The following B3GLCT variants were observed in gnomAD, a reference collection of about 807,000 sequenced individuals.
The protein encoded by B3GLCT is beta 3-glucosyltransferase.
B3GLCT carries 65 observed loss-of-function variants against 63.4 expected under a neutral mutation model. That is an observed-to-expected ratio of 1.03 (90% CI 0.84 to 1.26). The LOEUF is 1.26. Ranked by LOEUF, B3GLCT falls within the 50% of genes most tolerant of loss-of-function variation. The pLI, the probability that B3GLCT is intolerant of heterozygous loss-of-function variation, is 0.00. For synonymous variants in B3GLCT, 233 were observed against 219.2 expected (o/e 1.06, Z -0.55); for missense variants, 577 against 604.8 (o/e 0.95, Z 0.48).
intron 6 of B3GLCT, among the ~76,000 whole-genome samples, chr13:31,253,512 G>A (rs564838892): frequency 2.1e-5 from 3 of 143,966 alleles, no homozygotes; most frequent in Non-Finnish European, 4.5e-5. Flanking sequence ...AGAATGGCGT[G>A]AACCCGGCAG....
chr13:31,217,648 T>C (rs1416152704), intron 2 of B3GLCT, among the ~76,000 whole-genome samples: 1 of 152,264 alleles, frequency 6.6e-6, no homozygotes, highest in South Asian at 2.1e-4. Context: ...AGTGTCAATC[T>C]TCTGTATATG....
At chr13:31,264,840 T>A (rs2137837281) in intron 7 of B3GLCT, among the ~76,000 whole-genome samples, 1 of 152,348 alleles carries the variant, frequency 6.6e-6, no homozygotes, top group Non-Finnish European at 1.5e-5. Context: ...AGCATGCTTT[T>A]GGATGCAAGT....
chr13:31,208,566 A>C (rs879793865), intron 1 of B3GLCT, among the ~76,000 whole-genome samples: 6,954 of 60,370 alleles, frequency 0.12, no homozygotes, highest in Non-Finnish European at 0.17. Context: ...TTCCCGTCTC[A>C]CCCCCCACCC....
intron 1 of B3GLCT, among the ~76,000 whole-genome samples, chr13:31,213,621 A>ACCCCCCCCCCCCCC (rs71099943): frequency 5.5e-5 from 3 of 55,014 alleles, no homozygotes; most frequent in African/African-American, 7.6e-5. Context: ...CCCCCACCCC[A>ACCCCCCCCCCCCCC]CCCCCCCCCC....
chr13:31,263,999 C>T (rs747094164), intron 7 of B3GLCT, among the ~76,000 whole-genome samples: 4 of 152,134 alleles, frequency 2.6e-5, no homozygotes, highest in Non-Finnish European at 5.9e-5. Flanking sequence ...CAAGATAAGG[C>T]GCTGGCAGAT....
chr13:31,246,921 C>CTTT lies in B3GLCT; in HGVS notation c.271-97_271-95dup, dbSNP rs1178195394. ...AGCTGCATTTTAAGCCAAGCCTTTT[C>CTTT]TTTTTTTCTTTTTTCTTTTCTTTTC... On this transcript the variant is annotated intron_variant, in intron 4 of 14. Coordinates refer to ENST00000343307, the MANE Select transcript of B3GLCT (RefSeq NM_194318.4). The CTTT allele has an allele frequency of 5.4e-6, 5 of 932,650 alleles. No individual in the cohort carries two copies. The African/African-American group carries it at 6.9e-5, about 13-fold the overall frequency. 57.8% of individuals were successfully genotyped at this position (932,650 alleles called of 1,614,324 possible).
At chr13:31,207,954 C>T (rs141431388) in intron 1 of B3GLCT, among the ~76,000 whole-genome samples, 250 of 152,320 alleles carry the variant, frequency 1.6e-3, no homozygotes, top group African/African-American at 5.7e-3. Flanking sequence ...TGAACCTGAA[C>T]ATACATGAAC....
At chr13:31,306,651 C>A in intron 12 of B3GLCT, among the ~76,000 whole-genome samples, 1 of 28,218 alleles carries the variant, frequency 3.5e-5, no homozygotes, top group African/African-American at 7.3e-5. Flanking sequence ...TCAAGGAGAA[C>A]TACAAACCAC....
At chr13:31,259,276 C>G (rs531492943) in intron 6 of B3GLCT, among the ~76,000 whole-genome samples, 17 of 152,108 alleles carry the variant, frequency 1.1e-4, no homozygotes, top group Non-Finnish European at 1.2e-4. Context: ...GGTCTTGTTT[C>G]TTGCTCTGCT....
chr13:31,318,706 C>T (rs1325795568), intron 13 of B3GLCT, among the ~76,000 whole-genome samples: 2 of 151,674 alleles, frequency 1.3e-5, no homozygotes, highest in East Asian at 3.9e-4. Flanking sequence ...AAGCTATTTG[C>T]GGCCTTACTG....
chr13:31,225,508 C>T (rs547698391), intron 3 of B3GLCT, among the ~76,000 whole-genome samples: 6 of 152,274 alleles, frequency 3.9e-5, no homozygotes, highest in South Asian at 2.1e-4. Flanking sequence ...TTTTCAGCAC[C>T]GAACTGTACT....
chr13:31,235,057 C>G (rs1593262838), intron 4 of B3GLCT, among the ~76,000 whole-genome samples: 1 of 152,108 alleles, frequency 6.6e-6, no homozygotes, highest in Admixed American at 6.5e-5. Flanking sequence ...TTGAGAAGCC[C>G]TGGGCTGGGG....
intron 4 of B3GLCT, 95 bp from the exon 5 acceptor site, chr13:31,246,928 T>A (rs9599661): frequency 5.4e-5 from 53 of 986,304 alleles, no homozygotes; most frequent in South Asian, 2.4e-4. Context: ...TTTCTTTTTT[T>A]CTTTTTTCTT....
chr13:31,319,288 T>A (rs1173375719), intron 13 of B3GLCT, among the ~76,000 whole-genome samples: 1 of 152,128 alleles, frequency 6.6e-6, no homozygotes, highest in Admixed American at 6.5e-5. Flanking sequence ...GTCTTAAAAC[T>A]TCTCACCACC....
intron 3 of B3GLCT, among the ~76,000 whole-genome samples, chr13:31,223,304 A>G (rs1002512282): frequency 9.2e-5 from 14 of 152,206 alleles, no homozygotes; most frequent in Admixed American, 3.3e-4. Flanking sequence ...GGGGGAATGC[A>G]GAGGGGAAGG....
At chr13:31,210,239 C>T (rs1479498248) in intron 1 of B3GLCT, among the ~76,000 whole-genome samples, 1 of 152,128 alleles carries the variant, frequency 6.6e-6, no homozygotes, top group Non-Finnish European at 1.5e-5. Context: ...TGCAGTTTAC[C>T]AGAATTCATG....
At chr13:31,212,646 G>A (rs564272345) in intron 1 of B3GLCT, among the ~76,000 whole-genome samples, 2 of 152,296 alleles carry the variant, frequency 1.3e-5, no homozygotes, top group South Asian at 4.1e-4. Flanking sequence ...CTGGCTTCAA[G>A]GGGTCCTCCT....
intron 6 of B3GLCT, among the ~76,000 whole-genome samples, chr13:31,257,653 A>G (rs1871809322): frequency 6.6e-6 from 1 of 151,958 alleles, no homozygotes; most frequent in African/African-American, 2.4e-5. Flanking sequence ...CTTAAGAAAT[A>G]CCTAAGAGTA....
At chr13:31,240,494 A>G (rs4943252) in intron 4 of B3GLCT, among the ~76,000 whole-genome samples, 13,218 of 101,346 alleles carry the variant, frequency 0.13, 1,427 homozygotes, top group East Asian at 0.5. Context: ...TTTTTTTTAT[A>G]TTAAAAACAC....
Sources: gnomAD v4.1 joint callset for allele counts (sites outside exome capture counted in the v4.1 genomes callset) on GRCh38, gnomAD v4.1.1 for gene constraint, MANE v1.5 for transcripts, NCBI Gene and HGNC (gene_info 2026-07-23, HGNC 2026-07-21) for gene names.